STON2: variants seen among roughly 807,000 people sequenced by gnomAD.
The protein encoded by STON2 is stonin 2.
Under a neutral mutation model 65.7 loss-of-function variants are expected in STON2, and 29 were observed. The ratio of observed to expected loss-of-function variants is 0.44; its 90% confidence interval spans 0.33 to 0.60. The LOEUF is 0.60. Ranked by LOEUF, STON2 falls within the 20% of genes least tolerant of loss-of-function variation. The probability of loss-of-function intolerance (pLI) is 0.03; values close to 1 mark genes in which losing one functional copy is unlikely to be tolerated. For missense variants in STON2, 1,054 were observed against 1,118.1 expected, an observed-to-expected ratio of 0.94 and a Z score of 0.82; for synonymous variants, 404 against 414.2, an observed-to-expected ratio of 0.98 and a Z score of 0.30.
chr14:81,369,688 C>T (rs1196289101), intron 4 of STON2, among the ~76,000 whole-genome samples: 1 of 152,170 alleles, frequency 6.6e-6, no homozygotes, highest in Non-Finnish European at 1.5e-5. Context: ...AGATAGTAAG[C>T]TGGTCAGTGC....
intron 4 of STON2, among the ~76,000 whole-genome samples, chr14:81,366,627 C>G (rs1451155651): frequency 2.6e-5 from 4 of 152,034 alleles, no homozygotes; most frequent in African/African-American, 9.7e-5. Flanking sequence ...CAAGGTTCCC[C>G]AGGCACAGAA....
At chr14:81,395,065 C>T (rs1026441048) in intron 3 of STON2, 3 of 152,144 alleles carry the variant, frequency 2.0e-5, no homozygotes, top group African/African-American at 4.8e-5. Flanking sequence ...ACTAAGCTCC[C>T]CAGTGCAGCT....
intron 3 of STON2, among the ~76,000 whole-genome samples, chr14:81,373,322 A>G (rs1899090122): frequency 2.6e-5 from 4 of 152,212 alleles, no homozygotes; most frequent in Admixed American, 2.6e-4. Flanking sequence ...CACCCCAAAC[A>G]TAGAAAAAAA....
In STON2 at chr14:81,265,285, C is replaced by T. The variant is rs1894313427; in HGVS notation, c.*3129G>A. The T allele has an allele frequency of 1.1e-5, 11 of 983,908 alleles. No homozygotes were observed. The highest frequency in any genetic ancestry group is 1.3e-5 in the Non-Finnish European group (11 of 828,732). The allele number at this position is 983,908 out of a possible 1,614,324, so 60.9% of individuals were successfully genotyped here. On this transcript the variant is annotated 3_prime_UTR_variant, in exon 8 of 8. Transcript: ENST00000614646. ...TTATCCCCAAACCCCTAAATGCTAC[C>T]CATAATCAGTTTCCTAAAAACAGTA...
intron 5 of STON2, among the ~76,000 whole-genome samples, chr14:81,283,139 T>C (rs1228792981): frequency 1.3e-5 from 2 of 152,164 alleles, no homozygotes; most frequent in East Asian, 1.9e-4. Context: ...ACCTAAGAGG[T>C]TCCTAGTGTC....
At chr14:81,399,445 T>C (rs1403228949) in intron 1 of STON2, among the ~76,000 whole-genome samples, 1 of 152,224 alleles carries the variant, frequency 6.6e-6, no homozygotes, top group Non-Finnish European at 1.5e-5. Context: ...AATATTCAGA[T>C]AGTTTCTAGA....
chr14:81,389,534 G>T (rs1899979679), intron 3 of STON2, among the ~76,000 whole-genome samples: 1 of 152,178 alleles, frequency 6.6e-6, no homozygotes, highest in African/African-American at 2.4e-5. Context: ...GAAATTGATG[G>T]GCAAATCATT....
At chr14:81,295,759 G>A (rs1412965597) in intron 5 of STON2, among the ~76,000 whole-genome samples, 2 of 152,196 alleles carry the variant, frequency 1.3e-5, no homozygotes, top group African/African-American at 4.8e-5. Flanking sequence ...TTTTACAGAT[G>A]TTCAAGTCAC....
At chr14:81,420,349 T>C (rs922361368) in intron 2 of STON2, among the ~76,000 whole-genome samples, 9 of 152,240 alleles carry the variant, frequency 5.9e-5, no homozygotes, top group Admixed American at 5.9e-4. Flanking sequence ...ATAGGTCTTA[T>C]TGGACTCTGG....
intron 5 of STON2, among the ~76,000 whole-genome samples, chr14:81,306,357 C>G (rs1896185109): frequency 6.8e-6 from 1 of 146,380 alleles, no homozygotes; most frequent in African/African-American, 2.5e-5. Context: ...AGCCTCTGAG[C>G]AGATGGGACT....
Position 81,262,290 on chromosome 14 carries a change from G to T in STON2, c.*6124C>A. 3.0e-6 allele frequency: 3 copies of T among 985,440 alleles called. No individual in the cohort carries two copies. The highest frequency in any genetic ancestry group is 3.6e-6 in the Non-Finnish European group (3 of 829,936). The allele number at this position is 985,440 out of a possible 1,614,324, so 61.0% of individuals were successfully genotyped here. A position where few individuals can be genotyped will look rare whatever the true frequency, so the allele number is the denominator to read the frequency against. On this transcript the variant is annotated 3_prime_UTR_variant, in exon 8 of 8. Coordinates refer to ENST00000614646, the MANE Select transcript of STON2 (RefSeq NM_001394390.1). ...AATCCATTATGGCATGCCTATGAGT[G>T]ACTTTAAATAAACAATCCTCAATGT...
chr14:81,274,772 C>T (rs1358662330), intron 6 of STON2, among the ~76,000 whole-genome samples: 1 of 151,916 alleles, frequency 6.6e-6, no homozygotes, highest in Admixed American at 6.6e-5. Flanking sequence ...CCTGTCTCTA[C>T]TAAAAATACA....
intron 4 of STON2, among the ~76,000 whole-genome samples, chr14:81,369,280 A>G (rs1249517237): frequency 1.3e-5 from 2 of 152,162 alleles, no homozygotes; most frequent in Non-Finnish European, 2.9e-5. Flanking sequence ...CTTGATGCAA[A>G]CTATGACACT....
intron 2 of STON2, 91 bp downstream of exon 2, chr14:81,398,204 C>T (rs1238878036): frequency 2.3e-6 from 2 of 861,172 alleles, no homozygotes; most frequent in East Asian, 2.7e-5. Context: ...ATATTAAGAT[C>T]CCACCCAAAG....
intron 6 of STON2, among the ~76,000 whole-genome samples, chr14:81,273,046 T>A (rs1024035198): frequency 6.6e-6 from 1 of 152,204 alleles, no homozygotes; most frequent in Non-Finnish European, 1.5e-5. Flanking sequence ...CAGATGCATC[T>A]CTTAATTTAA....
At chr14:81,372,010 GCTGA>G (rs1453482621) in intron 3 of STON2, among the ~76,000 whole-genome samples, 5 of 152,132 alleles carry the variant, frequency 3.3e-5, no homozygotes, top group African/African-American at 1.2e-4. Flanking sequence ...TGGAGATTCT[GCTGA>G]CTGTCACATT....
chr14:81,387,447 A>T (rs1899867791), intron 3 of STON2, among the ~76,000 whole-genome samples: 1 of 152,172 alleles, frequency 6.6e-6, no homozygotes, highest in Non-Finnish European at 1.5e-5. Flanking sequence ...TGAATCCCTC[A>T]TTTGGCCTCC....
chr14:81,372,560 A>G (rs1899052913), intron 3 of STON2, among the ~76,000 whole-genome samples: 1 of 141,956 alleles, frequency 7.0e-6, no homozygotes, highest in Non-Finnish European at 1.6e-5. Context: ...CAAAAAAAAA[A>G]AAAAAAAGAA....
At position 81,263,739 on chromosome 14, in the gene STON2, AAG is replaced by A; in HGVS notation, c.*4673_*4674del. 1 of 985,292 alleles carries A rather than the reference AAG, an allele frequency of 1.0e-6. No individual in the cohort carries two copies. The highest frequency in any genetic ancestry group is 1.2e-6 in the Non-Finnish European group (1 of 829,868). The allele number at this position is 985,292 out of a possible 1,614,324, so 61.0% of individuals were successfully genotyped here. On this transcript the variant is annotated 3_prime_UTR_variant, in exon 8 of 8. Coordinates refer to ENST00000614646, the MANE Select transcript of STON2 (RefSeq NM_001394390.1). ...ATTAACATATAATCCTCATTTTTAG[AAG>A]AGTTAAAGTTACCACTCGAACTGGG...
Sources: allele counts gnomAD v4.1 joint callset (sites outside exome capture counted in the v4.1 genomes callset), GRCh38; gene constraint gnomAD v4.1.1; transcripts MANE v1.5; gene names NCBI Gene and HGNC (gene_info 2026-07-23, HGNC 2026-07-21).